Variants in GGCX observed in about 807,000 individuals in gnomAD.
GGCX encodes gamma-glutamyl carboxylase, also known as vitamin K-dependent gamma-carboxylase.
In GGCX, 63 loss-of-function variants were observed where a neutral mutation model predicts 88.5. The observed-to-expected ratio is 0.71, with a 90% confidence interval of 0.58 to 0.88. GGCX has a LOEUF of 0.88. Ranked by LOEUF, GGCX falls within the 40% of genes least tolerant of loss-of-function variation. The probability of loss-of-function intolerance (pLI) is 0.00; values close to 1 mark genes in which losing one functional copy is unlikely to be tolerated. For missense variants in GGCX, 805 were observed against 932.9 expected (o/e 0.86, Z 1.79); for synonymous variants, 368 against 365.8 (o/e 1.01, Z -0.07).
chr2:85,557,117 C>T (rs890175016), intron 4 of GGCX, among the ~76,000 whole-genome samples: 1 of 152,108 alleles, frequency 6.6e-6, no homozygotes, highest in African/African-American at 2.4e-5. Flanking sequence ...AGTGACAGAG[C>T]AAGACCCTGA....
Position 85,551,568 on chromosome 2 carries a change from G to A in GGCX, c.1652C>T (p.Thr551Ile). 6.2e-7 allele frequency: 1 copy of A among 1,613,834 alleles called. No individual in the cohort carries two copies. The highest frequency in any genetic ancestry group is 1.3e-5 in the African/African-American group (1 of 75,020). Residue 551 changes from threonine to isoleucine, a missense_variant, in exon 12 of 15, where the codon ACT becomes ATT. This residue lies in a region of GGCX where 680 missense variants were observed against 763.7 expected (regional missense o/e 0.89). Transcript: ENST00000233838. ...ENFVSEDLGN[T>I]SIQLLQGEVT... ...TTCCCCCTGCAGCAGCTGGATGCTA[G>A]TGTTGCCCAGGTCTTCACTCACAAA...
Position 85,551,483 on chromosome 2 carries a change from C to T in GGCX, c.1737G>A (p.Met579Ile). 6.2e-7 allele frequency: 1 copy of T among 1,614,052 alleles called. No homozygotes were observed. Among genetic ancestry groups the T allele is most frequent in the South Asian group, 1.1e-5 (1 of 91,086 alleles). The change falls in exon 12 of 15, where the codon ATG (methionine) becomes ATA (isoleucine). Residue 579 changes from methionine (M) to isoleucine (I), a missense_variant. Physicochemically the swap from Met to Ile is conservative, Grantham distance 10. Transcript: ENST00000233838. ...GTTGTTAATCCCAGCAAAATACCTG[C>T]ATTTTTTCTCCCTCTCGAAGAGTCT... is the stretch of plus-strand genomic sequence containing the variant. Reference protein sequence around the residue: ...KNQTLREGEKMQLPAGEYHKV... With the variant: ...KNQTLREGEKIQLPAGEYHKV...
chr2:85,549,104 G>A lies in GGCX; in HGVS notation c.*830C>T, dbSNP rs1306315352. On this transcript the variant is annotated 3_prime_UTR_variant, in exon 15 of 15. Coordinates refer to ENST00000233838, the MANE Select transcript of GGCX (RefSeq NM_000821.7). ...ATTATACTTTTAATTAAGAAAACAT[G>A]TTTTAAGCTGCATTATTTCAGATTA... 1.3e-5 allele frequency: 2 copies of A among 152,182 alleles called. No individual in the cohort carries two copies. Among genetic ancestry groups the A allele is most frequent in the African/African-American group, 4.8e-5 (2 of 41,438 alleles). 9.4% of individuals were successfully genotyped at this position (152,182 alleles called of 1,614,324 possible).
In GGCX at chr2:85,558,023, C is replaced by T. The variant is rs1328094708; in HGVS notation, c.539+417G>A. The stretch of plus-strand genomic sequence containing the variant: ...GCCCTGGTGGGCCCTCTTCTCCTGA[C>T]ATGATCTCTGCCTCACAGCAACTTC... On this transcript the variant is annotated intron_variant, in intron 4 of 14. Coordinates refer to ENST00000233838, the MANE Select transcript of GGCX (RefSeq NM_000821.7). Among the ~76,000 whole-genome samples, 10 of 152,176 alleles carry T rather than the reference C, an allele frequency of 6.6e-5. 1 individual carries two copies. Among genetic ancestry groups the T allele is most frequent in the Admixed American group, 2.6e-4 (4 of 15,280 alleles).
chr2:85,561,297 C>CCCG, intron 1 of GGCX, 89 bp downstream of exon 1: 1 of 753,608 alleles, frequency 1.3e-6, no homozygotes. Flanking sequence ...CCCGCCTCAC[C>CCCG]GGGAGACACT....
Position 85,546,224 on chromosome 2 carries a change from A to C in GGCX, c.*3710T>G, listed in dbSNP as rs1691656149. The C allele has an allele frequency of 6.6e-6, 1 of 152,256 alleles. No individual in the cohort carries two copies. The highest frequency in any genetic ancestry group is 1.5e-5 in the Non-Finnish European group (1 of 68,090). 9.4% of individuals were successfully genotyped at this position (152,256 alleles called of 1,614,324 possible). ...AGCACTTTGGGAGGCCAAGGCATGC[A>C]GATCACGAGACCATCCTGGCTAACA... On this transcript the variant is annotated 3_prime_UTR_variant, in exon 15 of 15. Coordinates refer to ENST00000233838, the MANE Select transcript of GGCX (RefSeq NM_000821.7).
In GGCX at chr2:85,545,905, A is replaced by G. The variant is rs912361114; in HGVS notation, c.*4029T>C. ...AGAGATAAATAATGCAAATTAGCTG[A>G]AAATGCTATAAATTTCCAAAGGCTT... On this transcript the variant is annotated 3_prime_UTR_variant, in exon 15 of 15. Coordinates refer to ENST00000233838, the MANE Select transcript of GGCX (RefSeq NM_000821.7). 6.6e-6 allele frequency: 1 copy of G among 152,254 alleles called. No individual in the cohort carries two copies. The highest frequency in any genetic ancestry group is 2.4e-5 in the African/African-American group (1 of 41,468). The allele number at this position is 152,254 out of a possible 1,614,324, so 9.4% of individuals were successfully genotyped here. A position where few individuals can be genotyped will look rare whatever the true frequency, so the allele number is the denominator to read the frequency against.
At position 85,549,843 on chromosome 2, in the gene GGCX, CTT is replaced by C. The variant is rs1440946615; in HGVS notation, c.*89_*90del. Reference sequence around the variant, plus strand: ...CGCCCCCCCAAAAAAAAAAAAAAAACTTTTGAGAATTTTTTTCAAATAAATGT... The same window carrying C: ...CGCCCCCCCAAAAAAAAAAAAAAAACTTGAGAATTTTTTTCAAATAAATGT... On this transcript the variant is annotated 3_prime_UTR_variant, in exon 15 of 15. Coordinates refer to ENST00000233838, the MANE Select transcript of GGCX (RefSeq NM_000821.7). 5 of 371,498 alleles carry C rather than the reference CTT, an allele frequency of 1.3e-5. No homozygotes were observed. Among genetic ancestry groups the C allele is most frequent in the East Asian group, 1.6e-4 (2 of 12,650 alleles). The allele number at this position is 371,498 out of a possible 1,614,324, so 23.0% of individuals were successfully genotyped here. A position where few individuals can be genotyped will look rare whatever the true frequency, so the allele number is the denominator to read the frequency against.
intron 11 of GGCX, 56 bp downstream of exon 11, chr2:85,551,756 T>TG: frequency 6.3e-7 from 1 of 1,586,074 alleles, no homozygotes. Flanking sequence ...GGAATGTCCC[T>TG]GGCCAAGGAA....
chr2:85,546,651 C>G lies in GGCX; in HGVS notation c.*3283G>C, dbSNP rs1354900343. The G allele has an allele frequency of 6.6e-6, 1 of 152,326 alleles. No individual in the cohort carries two copies. Among genetic ancestry groups the G allele is most frequent in the Non-Finnish European group, 1.5e-5 (1 of 68,166 alleles). 9.4% of individuals were successfully genotyped at this position (152,326 alleles called of 1,614,324 possible). The stretch of plus-strand genomic sequence containing the variant: ...CCCAGGAGGCAGAGGTTGCAGTGAG[C>G]CGAGATGGCGCCATTGCACTCCAGC... On this transcript the variant is annotated 3_prime_UTR_variant, in exon 15 of 15. Transcript: ENST00000233838.
chr2:85,556,166 T>G lies in GGCX; in HGVS notation c.618+16A>C. The G allele has an allele frequency of 6.5e-7, 1 of 1,548,630 alleles. No homozygotes were observed. Among genetic ancestry groups the G allele is most frequent in the South Asian group, 1.1e-5 (1 of 89,812 alleles). Reference sequence around the variant, plus strand: ...GGCTGTCAAGGAGCTCCTCCCTCTGTCCTAAAATGCTGTACCTGGCCACGG... The same window carrying G: ...GGCTGTCAAGGAGCTCCTCCCTCTGGCCTAAAATGCTGTACCTGGCCACGG... On this transcript the variant is annotated intron_variant, in intron 5 of 14. Coordinates refer to ENST00000233838, the MANE Select transcript of GGCX (RefSeq NM_000821.7).
In GGCX at chr2:85,545,898, T is replaced by A. The variant is rs1691639301; in HGVS notation, c.*4036A>T. 1 of 152,232 alleles carries A rather than the reference T, an allele frequency of 6.6e-6. No homozygotes were observed. The highest frequency in any genetic ancestry group is 1.5e-5 in the Non-Finnish European group (1 of 68,038). The allele number at this position is 152,232 out of a possible 1,614,324, so 9.4% of individuals were successfully genotyped here. ...ATCTTGCAGAGATAAATAATGCAAATTAGCTGAAAATGCTATAAATTTCCA... is the reference window on the plus strand; with the variant it reads ...ATCTTGCAGAGATAAATAATGCAAAATAGCTGAAAATGCTATAAATTTCCA... On this transcript the variant is annotated 3_prime_UTR_variant, in exon 15 of 15. Coordinates refer to ENST00000233838, the MANE Select transcript of GGCX (RefSeq NM_000821.7).
chr2:85,561,289 CGCCTCACCGGGAGACACTGGGCGTCCT>C, intron 1 of GGCX, 70 bp downstream of exon 1: 2 of 623,266 alleles, frequency 3.2e-6, no homozygotes, highest in South Asian at 1.9e-5. Context: ...ACCCCCCCCC[CGCCTCACCGGGAGACACTGGGCGTCCT>C]CCCGCCCCCG....
Position 85,553,227 on chromosome 2 carries a change from C to G in GGCX, c.1155+5G>C. 1 of 1,614,246 alleles carries G rather than the reference C, an allele frequency of 6.2e-7. No individual in the cohort carries two copies. The highest frequency in any genetic ancestry group is 8.5e-7 in the Non-Finnish European group (1 of 1,180,032). On this transcript the variant is annotated splice_donor_5th_base_variant and intron_variant, in intron 8 of 14. Coordinates refer to ENST00000233838, the MANE Select transcript of GGCX (RefSeq NM_000821.7). ...TTTGCTGTACACTCCACAGCCCCTA[C>G]AAACCTGGGTGAGAAAATGAGAATA...
In GGCX at chr2:85,545,265, C is replaced by T. The variant is rs1691599381; in HGVS notation, c.*4669G>A. 6.6e-6 allele frequency: 1 copy of T among 152,574 alleles called. No homozygotes were observed. Among genetic ancestry groups the T allele is most frequent in the South Asian group, 2.1e-4 (1 of 4,832 alleles). 9.5% of individuals were successfully genotyped at this position (152,574 alleles called of 1,614,324 possible). A position where few individuals can be genotyped will look rare whatever the true frequency, so the allele number is the denominator to read the frequency against. ...GTTTAATGAAGATCTAAATAAAATG[C>T]TAGGTTCTACCTTAACTGTGTCTGT... On this transcript the variant is annotated 3_prime_UTR_variant, in exon 15 of 15. Coordinates refer to ENST00000233838, the MANE Select transcript of GGCX (RefSeq NM_000821.7).
chr2:85,552,408 T>G lies in GGCX; in HGVS notation c.1439+8A>C. 1 of 1,613,246 alleles carries G rather than the reference T, an allele frequency of 6.2e-7. No individual in the cohort carries two copies. On this transcript the variant is annotated splice_region_variant and intron_variant, in intron 10 of 14. Coordinates refer to ENST00000233838, the MANE Select transcript of GGCX (RefSeq NM_000821.7). The stretch of plus-strand genomic sequence containing the variant: ...CATTTTTTCCCACTCTCTGCTCCCC[T>G]TGCCCACCTCTGCTGGAAGCGGTCA...
Position 85,554,182 on chromosome 2 carries a change from A to G in GGCX, c.850T>C (p.Ser284Pro), listed in dbSNP as rs1351315101. Residue 284 changes from serine to proline, a missense_variant, in exon 7 of 15, where the codon TCC becomes CCC. By Grantham distance (74) the Ser-to-Pro change is moderately conservative. Transcript: ENST00000233838. ...VSRSIGLFFV[S>P]YFHCMNSQLF... ...TGGGAATTCATGCAGTGGAAGTAGG[A>G]CACAAAGAACAGGCCAATGGATCTT... 1 of 1,613,158 alleles carries G rather than the reference A, an allele frequency of 6.2e-7. No homozygotes were observed. The highest frequency in any genetic ancestry group is 8.5e-7 in the Non-Finnish European group (1 of 1,179,078).
intron 10 of GGCX, 132 bp downstream of exon 10, chr2:85,552,284 C>T: frequency 1.1e-6 from 1 of 931,166 alleles, no homozygotes; most frequent in Non-Finnish European, 1.7e-6. Context: ...ATGCCCACAA[C>T]CAGATCAAGG....
chr2:85,561,461 G>A lies in GGCX; in HGVS notation c.-33C>T, dbSNP rs757817502. Reference sequence around the variant, plus strand: ...CGGAGGAGGCAGGTGGGTCACAGCTGCCGCGTCTGAACGGAGGCCGCCAGG... The same window carrying A: ...CGGAGGAGGCAGGTGGGTCACAGCTACCGCGTCTGAACGGAGGCCGCCAGG... On this transcript the variant is annotated 5_prime_UTR_variant, in exon 1 of 15. Coordinates refer to ENST00000233838, the MANE Select transcript of GGCX (RefSeq NM_000821.7). 1 of 1,532,934 alleles carries A rather than the reference G, an allele frequency of 6.5e-7. No homozygotes were observed. The highest frequency in any genetic ancestry group is 1.4e-5 in the African/African-American group (1 of 73,762). 95.0% of individuals were successfully genotyped at this position (1,532,934 alleles called of 1,614,324 possible). A position where few individuals can be genotyped will look rare whatever the true frequency, so the allele number is the denominator to read the frequency against.
Sources: gnomAD v4.1 joint callset for allele counts (sites outside exome capture counted in the v4.1 genomes callset) on GRCh38, gnomAD v4.1.1 for gene constraint, gnomAD v4.1.1 regional missense constraint, MANE v1.5 for transcripts, NCBI Gene and HGNC (gene_info 2026-07-23, HGNC 2026-07-21) for gene names.